CFAP70: variants seen among roughly 807,000 people sequenced by gnomAD.
CFAP70 encodes the protein cilia and flagella associated protein 70.
A neutral mutation model predicts 137.6 loss-of-function variants in CFAP70; 81 were observed. That is an observed-to-expected ratio of 0.59 (90% confidence interval 0.49 to 0.71). The LOEUF (loss-of-function observed/expected upper bound fraction) is 0.71. CFAP70 is among the 30% of genes least tolerant of loss of function. CFAP70 has a pLI of 0.00. For missense variants in CFAP70, 976 were observed against 1,226.7 expected, an observed-to-expected ratio of 0.80 and a Z score of 3.05; for synonymous variants, 382 against 423.6, an observed-to-expected ratio of 0.90 and a Z score of 1.20.
chr10:73,303,981 C>T (rs191034231), intron 12 of CFAP70, among the ~76,000 whole-genome samples: 100 of 152,168 alleles, frequency 6.6e-4, no homozygotes, highest in Middle Eastern at 3.4e-3. Flanking sequence ...CTATTTAATG[C>T]GGCCTTCCTT....
exon 21 of CFAP70, chr10:73,277,290 T>A (rs1433787448): frequency 1.2e-6 from 2 of 1,614,028 alleles, no homozygotes; most frequent in Non-Finnish European, 1.7e-6. Context: ...ATGAAGATGG[T>A]GGTAGTTTGA....
Position 73,334,877 on chromosome 10 carries a change from C to T in CFAP70, c.677+553G>A, listed in dbSNP as rs1157498600. ...ACAGTTGTGAGCCATTGCACCTGGC[C>T]GAGTTTTTTTTTTTTTTTTTTTAAG... On this transcript the variant is annotated intron_variant, in intron 7 of 26. Coordinates refer to ENST00000310715, the Ensembl canonical transcript of CFAP70. 4.1e-5 allele frequency among the ~76,000 whole-genome samples: 6 copies of T among 146,656 alleles called. No individual in the cohort carries two copies. In the South Asian group the frequency reaches 6.7e-4, roughly 16 times the overall value.
At chr10:73,360,078 T>A (rs1417770191), upstream of CFAP70, among the ~76,000 whole-genome samples, 1 of 152,160 alleles carries the variant, frequency 6.6e-6, no homozygotes, top group Admixed American at 6.5e-5. Context: ...AAAACAACAT[T>A]GTTAGGACGG....
At chr10:73,320,818 C>G (rs1293843168) in intron 9 of CFAP70, among the ~76,000 whole-genome samples, 1 of 152,080 alleles carries the variant, frequency 6.6e-6, no homozygotes, top group Non-Finnish European at 1.5e-5. Flanking sequence ...AGGCACACAA[C>G]ATCACGCCCA....
intron 12 of CFAP70, among the ~76,000 whole-genome samples, chr10:73,306,441 A>G (rs1280392674): frequency 6.6e-6 from 1 of 152,236 alleles, no homozygotes; most frequent in Non-Finnish European, 1.5e-5. Context: ...AAAATATCAA[A>G]AACAGCAACA....
At chr10:73,298,041 G>A (rs111699346) in intron 14 of CFAP70, among the ~76,000 whole-genome samples, 1 of 152,058 alleles carries the variant, frequency 6.6e-6, no homozygotes, top group African/African-American at 2.4e-5. Context: ...TATCTGTTTA[G>A]TACAGTACAG....
chr10:73,317,583 C>T (rs1260052934), intron 9 of CFAP70, among the ~76,000 whole-genome samples: 1 of 151,972 alleles, frequency 6.6e-6, no homozygotes, highest in African/African-American at 2.4e-5. Flanking sequence ...TTCTGAACTC[C>T]TTGGATCTGT....
At chr10:73,299,008 C>G in exon 14 of CFAP70, 2 of 1,614,002 alleles carry the variant, frequency 1.2e-6, no homozygotes, top group Admixed American at 3.3e-5. Context: ...ATATCACTCT[C>G]CAGTTTGGCC....
intron 23 of CFAP70, 100 bp from the exon 25 acceptor site, chr10:73,273,117 TC>T: frequency 3.2e-6 from 3 of 936,462 alleles, no homozygotes; most frequent in South Asian, 1.4e-5. Flanking sequence ...TCCAGAACAA[TC>T]TAAGTTAAGC....
intron 19 of CFAP70, among the ~76,000 whole-genome samples, chr10:73,278,570 A>C (rs971570067): frequency 6.6e-6 from 1 of 152,222 alleles, no homozygotes; most frequent in Non-Finnish European, 1.5e-5. Flanking sequence ...CTGCTAGTCC[A>C]AGTCATAATA....
At chr10:73,310,438 G>A (rs532619405) in intron 11 of CFAP70, among the ~76,000 whole-genome samples, 189 bp from the exon 13 acceptor site, 1 of 152,298 alleles carries the variant, frequency 6.6e-6, no homozygotes, top group Non-Finnish European at 1.5e-5. Context: ...AGCAACAGTG[G>A]TTATCTCTTA....
intron 3 of CFAP70, among the ~76,000 whole-genome samples, chr10:73,351,323 T>A (rs532916724): frequency 2.2e-4 from 34 of 151,904 alleles, no homozygotes; most frequent in African/African-American, 7.5e-4. Flanking sequence ...TTTCACCGTG[T>A]TAGCCAGGAT....
chr10:73,328,361 C>T lies in CFAP70; in HGVS notation c.777+2816G>A, dbSNP rs1182869460. 2.5e-3 allele frequency among the ~76,000 whole-genome samples: 387 copies of T among 151,860 alleles called. 2 individuals are homozygous for T. The highest frequency in any genetic ancestry group is 4.1e-3 in the Admixed American group (63 of 15,238). ...ATTCAAGATGGATTAAAGACTTAAA[C>T]GTTAGACCTAAAACCATAAAAACTC... On this transcript the variant is annotated intron_variant, in intron 8 of 26. Transcript: ENST00000310715.
In CFAP70 at chr10:73,275,938, G is replaced by A; in HGVS notation, c.2521-340C>T. ...ATCAACCACCCCATTTACAAAGGAG[G>A]TAACATTTTCAGGCAGCTGACATTG... On this transcript the variant is annotated intron_variant, in intron 21 of 26. Coordinates refer to ENST00000310715, the Ensembl canonical transcript of CFAP70. The surrounding 1 kb of genome is among the most constrained non-coding windows in gnomAD (Gnocchi z 4.0). The A allele has an allele frequency of 6.1e-6, 1 of 163,792 alleles. No homozygotes were observed. Among genetic ancestry groups the A allele is most frequent in the Non-Finnish European group, 1.3e-5 (1 of 75,992 alleles). The allele number at this position is 163,792 out of a possible 1,614,324, so 10.1% of individuals were successfully genotyped here. A position where few individuals can be genotyped will look rare whatever the true frequency, so the allele number is the denominator to read the frequency against.
chr10:73,300,661 G>T (rs941516951), intron 12 of CFAP70, among the ~76,000 whole-genome samples: 3 of 151,988 alleles, frequency 2.0e-5, no homozygotes, highest in Non-Finnish European at 4.4e-5. Flanking sequence ...TTAGGAGTTC[G>T]AGACCAGCCT....
intron 9 of CFAP70, 61 bp downstream of exon 10, chr10:73,322,902 T>C: frequency 4.2e-6 from 6 of 1,438,658 alleles, no homozygotes; most frequent in Non-Finnish European, 5.6e-6. Flanking sequence ...GCTAAAGATG[T>C]AAGTAAACAG....
intron 9 of CFAP70, among the ~76,000 whole-genome samples, chr10:73,314,176 AG>A (rs2050154185): frequency 6.6e-6 from 1 of 152,198 alleles, no homozygotes; most frequent in African/African-American, 2.4e-5. Flanking sequence ...AGGTGGGCAA[AG>A]GAATAATAGA....
intron 6 of CFAP70, among the ~76,000 whole-genome samples, chr10:73,337,765 G>C (rs1178666747): frequency 1.3e-5 from 2 of 152,026 alleles, no homozygotes; most frequent in African/African-American, 4.8e-5. Flanking sequence ...AATTAGCCGG[G>C]TGTGGTGGCG....
chr10:73,313,539 TC>T (rs1487460409), intron 9 of CFAP70, among the ~76,000 whole-genome samples: 1 of 124,882 alleles, frequency 8.0e-6, no homozygotes, highest in African/African-American at 3.3e-5. Flanking sequence ...CAAGACTCTG[TC>T]TCAAAAAAAA....
Sources: allele counts gnomAD v4.1 joint callset (sites outside exome capture counted in the v4.1 genomes callset), GRCh38; gene constraint gnomAD v4.1.1; non-coding constraint Gnocchi (gnomAD v3.1); transcripts MANE v1.5; gene names NCBI Gene and HGNC (gene_info 2026-07-23, HGNC 2026-07-21).